Variants in ZSCAN25 observed in about 807,000 individuals in gnomAD.
ZSCAN25 encodes the protein zinc finger and SCAN domain-containing protein 25.
A neutral mutation model predicts 38.7 loss-of-function variants in ZSCAN25; 27 were observed. The ratio of observed to expected loss-of-function variants is 0.70; its 90% CI spans 0.51 to 0.96. The LOEUF (loss-of-function observed/expected upper bound fraction) is 0.96, where lower values mean the gene tolerates loss of function less well. ZSCAN25 is among the 40% of genes least tolerant of loss of function. ZSCAN25 has a pLI of 0.00. For synonymous variants in ZSCAN25, 273 were observed against 277.7 expected, an observed-to-expected ratio of 0.98 and a Z score of 0.17; for missense variants, 637 against 705.9, an observed-to-expected ratio of 0.90 and a Z score of 1.11.
chr7:99,624,412 T>A, intron 7 of ZSCAN25: 1 of 554,374 alleles, frequency 1.8e-6, no homozygotes. Context: ...TGGAGACAGG[T>A]CGGTCATGAG....
chr7:99,632,361 C>G lies in ZSCAN25; in HGVS notation c.*2341C>G, dbSNP rs1808071675. ...AATTTCAAACCTATATAAATAAATC[C>G]TTATGTATTTATCATTTGACTTTAT... is the stretch of plus-strand genomic sequence containing the variant. On this transcript the variant is annotated 3_prime_UTR_variant, in exon 8 of 8. Coordinates refer to ENST00000394152, the MANE Select transcript of ZSCAN25 (RefSeq NM_145115.3). The G allele has an allele frequency of 1.7e-6, 1 of 602,464 alleles. No individual in the cohort carries two copies. Among genetic ancestry groups the G allele is most frequent in the Non-Finnish European group, 2.1e-6 (1 of 480,876 alleles). The allele number at this position is 602,464 out of a possible 1,614,324, so 37.3% of individuals were successfully genotyped here. A position where few individuals can be genotyped will look rare whatever the true frequency, so the allele number is the denominator to read the frequency against.
chr7:99,727,048 T>C, the ZSCAN25 span, among the ~76,000 whole-genome samples: 1 of 152,192 alleles, frequency 6.6e-6, no homozygotes, highest in African/African-American at 2.4e-5. Context: ...AAGGGAAACC[T>C]AGCTGACCCC....
At chr7:99,662,582 C>G in the ZSCAN25 span, among the ~76,000 whole-genome samples, 2 of 152,210 alleles carry the variant, frequency 1.3e-5, no homozygotes, top group Admixed American at 6.5e-5. This position sits in a 1 kb window ranked among gnomAD's most constrained non-coding sequence, Gnocchi z 4.3. Context: ...AAACCACTGA[C>G]TGTCCTCCAA....
At chr7:99,673,510 A>T in the ZSCAN25 span, among the ~76,000 whole-genome samples, 1 of 152,254 alleles carries the variant, frequency 6.6e-6, no homozygotes, top group Admixed American at 6.5e-5. Flanking sequence ...ATATTTGTAT[A>T]TCCTTCTATT....
chr7:99,667,018 C>G, the ZSCAN25 span: 1 of 1,614,138 alleles, frequency 6.2e-7, no homozygotes, highest in Non-Finnish European at 8.5e-7. Flanking sequence ...ATTCTTCATC[C>G]TCAGCTAAAG....
chr7:99,621,619 G>A, intron 5 of ZSCAN25, 45 bp downstream of exon 5: 1 of 1,293,292 alleles, frequency 7.7e-7, no homozygotes, highest in Non-Finnish European at 9.9e-7. Flanking sequence ...ATAGGAAACA[G>A]TGCTGTGCAG....
At chr7:99,672,599 G>T in the ZSCAN25 span, 3,344 of 1,613,844 alleles carry the variant, frequency 2.1e-3, 5 homozygotes, top group Non-Finnish European at 2.4e-3. Flanking sequence ...TGTGAAGACA[G>T]AATAACATTC....
At chr7:99,731,894 A>G in the ZSCAN25 span, among the ~76,000 whole-genome samples, 4 of 151,874 alleles carry the variant, frequency 2.6e-5, no homozygotes, top group African/African-American at 9.7e-5. Flanking sequence ...AGGATGATTG[A>G]CTCATATTTT....
At chr7:99,628,321 T>C (rs757332663) in intron 7 of ZSCAN25, among the ~76,000 whole-genome samples, 19 of 152,232 alleles carry the variant, frequency 1.2e-4, no homozygotes, top group Non-Finnish European at 1.9e-4. Flanking sequence ...AAAAGGACTC[T>C]TCCGCTTTAA....
the ZSCAN25 span, among the ~76,000 whole-genome samples, chr7:99,713,913 C>T: frequency 1.3e-5 from 2 of 152,202 alleles, no homozygotes; most frequent in Non-Finnish European, 2.9e-5. Flanking sequence ...AATACTGCAA[C>T]ATTCCCCAAA....
chr7:99,669,260 A>G, the ZSCAN25 span, among the ~76,000 whole-genome samples: 19 of 152,216 alleles, frequency 1.2e-4, no homozygotes, highest in African/African-American at 4.3e-4. Flanking sequence ...AAAGACTACA[A>G]TTTGAAGAGG....
the ZSCAN25 span, among the ~76,000 whole-genome samples, chr7:99,660,998 C>T: frequency 6.6e-6 from 1 of 152,136 alleles, no homozygotes; most frequent in African/African-American, 2.4e-5. Context: ...CCTAAAAGTA[C>T]TTTATCTGTA....
At chr7:99,648,431 TAATA>T in the ZSCAN25 span, 1 of 1,522,378 alleles carries the variant, frequency 6.6e-7, no homozygotes, top group Non-Finnish European at 8.9e-7. Flanking sequence ...TATGGAGAAT[TAATA>T]AATGAAGTGA....
At chr7:99,700,086 G>T in the ZSCAN25 span, 1 of 1,272,466 alleles carries the variant, frequency 7.9e-7, no homozygotes, top group Non-Finnish European at 1.1e-6. Flanking sequence ...TCAGCTGTGT[G>T]CTGTTGTTTG....
At chr7:99,680,329 T>C in the ZSCAN25 span, among the ~76,000 whole-genome samples, 4 of 152,172 alleles carry the variant, frequency 2.6e-5, no homozygotes, top group Non-Finnish European at 5.9e-5. Flanking sequence ...GCCTGGAGTG[T>C]ACCTGTGCCC....
the ZSCAN25 span, among the ~76,000 whole-genome samples, chr7:99,703,435 A>C: frequency 6.6e-6 from 1 of 152,122 alleles, no homozygotes; most frequent in Non-Finnish European, 1.5e-5. Flanking sequence ...TGTTACCTAG[A>C]CCTATCAGTG....
chr7:99,679,698 A>G, the ZSCAN25 span: 17 of 811,240 alleles, frequency 2.1e-5, no homozygotes, highest in African/African-American at 2.6e-4. Flanking sequence ...ATGCGTTTGT[A>G]GCGTCCAACA....
At chr7:99,724,620 C>A in the ZSCAN25 span, among the ~76,000 whole-genome samples, 1 of 152,016 alleles carries the variant, frequency 6.6e-6, no homozygotes, top group Non-Finnish European at 1.5e-5. Context: ...ATCCTCTGCT[C>A]CCCCACCCTA....
downstream of ZSCAN25, among the ~76,000 whole-genome samples, chr7:99,635,061 G>T (rs563728338): frequency 8.6e-5 from 13 of 152,000 alleles, no homozygotes; most frequent in Non-Finnish European, 1.6e-4. Flanking sequence ...TCTGTAGCAG[G>T]TACTTGCTCT....
Sources: allele counts gnomAD v4.1 joint callset (sites outside exome capture counted in the v4.1 genomes callset), GRCh38; gene constraint gnomAD v4.1.1; non-coding constraint Gnocchi (gnomAD v3.1); transcripts MANE v1.5; gene names NCBI Gene and HGNC (gene_info 2026-07-23, HGNC 2026-07-21).